Variants in SCYL2 observed in about 807,000 individuals in gnomAD.
SCYL2 encodes the protein SCY1 like pseudokinase 2.
In SCYL2, 36 loss-of-function variants were observed where a neutral mutation model predicts 100.4. The observed-to-expected ratio is 0.36, with a 90% confidence interval of 0.27 to 0.47. SCYL2 has a LOEUF of 0.47. Among genes scored for constraint, SCYL2 ranks in the 20% least tolerant of loss-of-function variants. The pLI, the probability that SCYL2 is intolerant of heterozygous loss-of-function variation, is 1.00. For synonymous variants in SCYL2, 330 were observed against 359.2 expected (o/e 0.92, Z 0.92); for missense variants, 902 against 1,083.9 (o/e 0.83, Z 2.36).
At chr12:100,295,091 C>G (rs1483732344) in intron 3 of SCYL2, among the ~76,000 whole-genome samples, 1 of 150,656 alleles carries the variant, frequency 6.6e-6, no homozygotes, top group African/African-American at 2.4e-5. Flanking sequence ...CCCCACATCT[C>G]AGATGATGGG....
intron 4 of SCYL2, among the ~76,000 whole-genome samples, chr12:100,305,882 A>G (rs756873713): frequency 3.0e-4 from 46 of 152,310 alleles, no homozygotes; most frequent in South Asian, 6.2e-4. Context: ...AAATCCTTCT[A>G]TGCAAATAAA....
Position 100,291,489 on chromosome 12 carries a change from A to G in SCYL2, c.178-14A>G, listed in dbSNP as rs1566349502. ...TATATTTCTTGACTAAAATTACACA[A>G]TTCTTTTATTTAGGAAGTGGCAGTT... On this transcript the variant is annotated splice_polypyrimidine_tract_variant and intron_variant, in intron 2 of 17. Coordinates refer to ENST00000360820, the MANE Select transcript of SCYL2 (RefSeq NM_017988.6). 1.2e-5 allele frequency: 17 copies of G among 1,466,142 alleles called. No individual in the cohort carries two copies. The highest frequency in any genetic ancestry group is 2.4e-5 in the Admixed American group (1 of 42,530). 90.8% of individuals were successfully genotyped at this position (1,466,142 alleles called of 1,614,324 possible).
At chr12:100,308,483 G>A (rs755639028) in intron 4 of SCYL2, among the ~76,000 whole-genome samples, 2 of 152,098 alleles carry the variant, frequency 1.3e-5, no homozygotes, top group Non-Finnish European at 2.9e-5. Flanking sequence ...ACTGGGGCCT[G>A]TCCGGGGGTG....
chr12:100,316,837 C>T, intron 9 of SCYL2, among the ~76,000 whole-genome samples: 1 of 152,190 alleles, frequency 6.6e-6, no homozygotes, highest in East Asian at 1.9e-4. Context: ...TGCAGTGGCT[C>T]ACGCTTGTAA....
At chr12:100,302,105 A>G (rs537709168) in intron 4 of SCYL2, among the ~76,000 whole-genome samples, 1 of 152,200 alleles carries the variant, frequency 6.6e-6, no homozygotes, top group South Asian at 2.1e-4. Context: ...GCTGTATTCT[A>G]CTGTGGCTGA....
rs116477521 is a variant in SCYL2, at chr12:100,318,116, G to A, written c.1395+191G>A. Among the ~76,000 whole-genome samples the A allele has an allele frequency of 1.8e-3, 276 of 152,206 alleles. 1 individual carries two copies. The highest frequency in any genetic ancestry group is 6.4e-3 in the African/African-American group (265 of 41,534). ...CTCCTAACTAATTTAAAGAATCAGTGTATTGTAAGTGAAAAAAGTAATCAG... is the reference window on the plus strand; with the variant it reads ...CTCCTAACTAATTTAAAGAATCAGTATATTGTAAGTGAAAAAAGTAATCAG... On this transcript the variant is annotated intron_variant, in intron 10 of 17. Coordinates refer to ENST00000360820, the MANE Select transcript of SCYL2 (RefSeq NM_017988.6).
intron 11 of SCYL2, chr12:100,323,961 T>A (rs1011696522): frequency 6.1e-6 from 1 of 163,412 alleles, no homozygotes; most frequent in Non-Finnish European, 1.3e-5. Flanking sequence ...TTTAACTTGG[T>A]ATCTAAGCGT....
At position 100,335,672 on chromosome 12, in the gene SCYL2, T is replaced by C. The variant is rs780706306; in HGVS notation, c.1910T>C (p.Val637Ala). Residue 637 changes from valine to alanine, a missense_variant, in exon 15 of 18, where the codon GTT (valine) becomes GCT (alanine). Transcript: ENST00000360820. ...ATGAATGTTTCTGAGGAGATGAAAG[T>C]TACAAATATTGGGAATCAGGTAAGA... ...NQMNVSEEMK[V>A]TNIGNQQIDK... 25 of 1,611,142 alleles carry C rather than the reference T, an allele frequency of 1.6e-5. No homozygotes were observed. The Admixed American group carries it at 4.2e-4, about 27-fold the overall frequency.
intron 3 of SCYL2, among the ~76,000 whole-genome samples, chr12:100,297,828 C>T (rs999566865): frequency 5.2e-4 from 79 of 151,558 alleles, no homozygotes; most frequent in Admixed American, 5.1e-3. Flanking sequence ...TTTAAAAGAC[C>T]GAGTGATTTA....
chr12:100,267,322 G>T lies in SCYL2; in HGVS notation c.-499G>T. On this transcript the variant is annotated 5_prime_UTR_variant, in exon 1 of 18. Transcript: ENST00000360820. Reference sequence around the variant, plus strand: ...GTGGCCAGGCACGAAGGCAGAGCAGGAACAGCCAGGAGGCGTTTATTAGGG... The same window carrying T: ...GTGGCCAGGCACGAAGGCAGAGCAGTAACAGCCAGGAGGCGTTTATTAGGG... The T allele has an allele frequency of 4.4e-6, 2 of 449,852 alleles. No individual in the cohort carries two copies. Among genetic ancestry groups the T allele is most frequent in the South Asian group, 3.5e-5 (1 of 28,572 alleles). 27.9% of individuals were successfully genotyped at this position (449,852 alleles called of 1,614,324 possible). A position where few individuals can be genotyped will look rare whatever the true frequency, so the allele number is the denominator to read the frequency against.
intron 2 of SCYL2, among the ~76,000 whole-genome samples, chr12:100,290,736 T>C (rs1231031176): frequency 6.6e-6 from 1 of 152,214 alleles, no homozygotes; most frequent in Non-Finnish European, 1.5e-5. Flanking sequence ...GCTAATTTCG[T>C]TTCCAGTTTA....
At chr12:100,270,663 C>T (rs2096286660) in intron 1 of SCYL2, among the ~76,000 whole-genome samples, 1 of 145,008 alleles carries the variant, frequency 6.9e-6, no homozygotes, top group Non-Finnish European at 1.5e-5. Flanking sequence ...TACATAGAGA[C>T]AGGGTCTCAC....
At chr12:100,300,376 ATAG>A (rs1335765692) in intron 4 of SCYL2, among the ~76,000 whole-genome samples, 3 of 152,110 alleles carry the variant, frequency 2.0e-5, no homozygotes, top group South Asian at 4.1e-4. Context: ...TTGTGGGTAC[ATAG>A]TAGGTATATA....
Position 100,317,843 on chromosome 12 carries a change from C to G in SCYL2, c.1313C>G (p.Thr438Ser). The change falls in exon 10 of 18, where the codon ACC becomes AGC. Residue 438 changes from threonine to serine, a missense_variant. Physicochemically the swap from Thr to Ser is moderately conservative, Grantham distance 58 (BLOSUM62 1). Coordinates refer to ENST00000360820, the MANE Select transcript of SCYL2 (RefSeq NM_017988.6). ...IFLQKMDLLL[T>S]KTPPDEIKNS... Reference sequence around the variant, plus strand: ...CTACAAAAAATGGATTTGCTACTAACCAAAACCCCTCCTGATGAGATAAAG... The same window carrying G: ...CTACAAAAAATGGATTTGCTACTAAGCAAAACCCCTCCTGATGAGATAAAG... 1 of 1,607,346 alleles carries G rather than the reference C, an allele frequency of 6.2e-7. No individual in the cohort carries two copies. The highest frequency in any genetic ancestry group is 2.2e-5 in the East Asian group (1 of 44,746).
At chr12:100,326,509 C>T (rs1363884649) in intron 11 of SCYL2, 113 bp from the exon 12 acceptor site, 3 of 710,946 alleles carry the variant, frequency 4.2e-6, no homozygotes, top group Non-Finnish European at 6.4e-6. Flanking sequence ...TCTAAATCTA[C>T]ATTTATTCTT....
chr12:100,319,211 T>C (rs1350575509), intron 10 of SCYL2: 2 of 455,884 alleles, frequency 4.4e-6, no homozygotes, highest in Admixed American at 4.7e-5. Context: ...AACATTTTTT[T>C]CCTTATAATT....
intron 10 of SCYL2, among the ~76,000 whole-genome samples, chr12:100,318,929 A>G (rs2096352522): frequency 1.3e-5 from 2 of 152,246 alleles, no homozygotes. Flanking sequence ...TTTGTCTGAA[A>G]GAAATTCTGG....
chr12:100,334,665 C>G (rs1952253414), intron 14 of SCYL2, among the ~76,000 whole-genome samples: 3 of 151,822 alleles, frequency 2.0e-5, no homozygotes, highest in African/African-American at 7.3e-5. Context: ...TCTTCTCCAG[C>G]CCCACAAACA....
chr12:100,310,443 G>A (rs2096340871), intron 4 of SCYL2, among the ~76,000 whole-genome samples: 1 of 152,180 alleles, frequency 6.6e-6, no homozygotes, highest in Non-Finnish European at 1.5e-5. Context: ...TCTTTGGAAT[G>A]TATGTTCAAG....
Sources: gnomAD v4.1 joint callset for allele counts (sites outside exome capture counted in the v4.1 genomes callset) on GRCh38, gnomAD v4.1.1 for gene constraint, MANE v1.5 for transcripts, NCBI Gene and HGNC (gene_info 2026-07-23, HGNC 2026-07-21) for gene names.